Variants in FYB1 observed in about 807,000 individuals in gnomAD.
The protein encoded by FYB1 is FYN binding protein 1, also known as FYN-binding protein 1.
Under a neutral mutation model 94.1 loss-of-function variants are expected in FYB1, and 41 were observed. That is an observed-to-expected ratio of 0.44 (90% CI 0.34 to 0.57). The LOEUF (loss-of-function observed/expected upper bound fraction) is 0.57. Ranked by LOEUF, FYB1 falls within the 20% of genes least tolerant of loss-of-function variation. The probability of loss-of-function intolerance (pLI) is 0.02; values close to 1 mark genes in which losing one functional copy is unlikely to be tolerated. For synonymous variants in FYB1, 367 were observed against 353.2 expected, an observed-to-expected ratio of 1.04 and a Z score of -0.44; for missense variants, 1,050 against 976.8, an observed-to-expected ratio of 1.07 and a Z score of -1.00.
In FYB1 at chr5:39,202,163, A is replaced by G. The variant is rs532562126; in HGVS notation, c.798T>C (p.Pro266=). 2.5e-6 allele frequency: 4 copies of G among 1,613,982 alleles called. No homozygotes were observed. The highest frequency in any genetic ancestry group is 3.3e-5 in the Admixed American group (2 of 60,030). Residue 266 remains proline, a synonymous_variant, in exon 2 of 19, where the codon CCT becomes CCC. Coordinates refer to ENST00000512982, the MANE Select transcript of FYB1 (RefSeq NM_001465.6). ...GACCTGGGCCTCCCCTGCTCGCAGC[A>G]GGTTTCAAAACCACTCCAGGAAAGG... The part of the protein sequence containing the change: ...SLPFPGVVLK[P]AASRGGPGLS...
intron 1 of FYB1, among the ~76,000 whole-genome samples, chr5:39,224,810 T>G (rs1750404405): frequency 1.3e-5 from 2 of 152,218 alleles, no homozygotes; most frequent in South Asian, 4.1e-4. Context: ...TTCCTCTCCC[T>G]AAATCCTTCT....
At chr5:39,252,043 G>A (rs1350793877) in intron 1 of FYB1, among the ~76,000 whole-genome samples, 2 of 152,160 alleles carry the variant, frequency 1.3e-5, no homozygotes, top group Non-Finnish European at 2.9e-5. Context: ...TACTCAGGTG[G>A]CTGAGGCAGG....
chr5:39,200,155 A>G (rs1356981877), intron 2 of FYB1, among the ~76,000 whole-genome samples: 3 of 152,184 alleles, frequency 2.0e-5, no homozygotes, highest in Non-Finnish European at 4.4e-5. Flanking sequence ...GAGGGTTGCA[A>G]AGGAGAGGAG....
At chr5:39,272,040 G>C (rs1035230583) in intron 1 of FYB1, among the ~76,000 whole-genome samples, 10 of 151,738 alleles carry the variant, frequency 6.6e-5, no homozygotes, top group Admixed American at 2.6e-4. Flanking sequence ...TTAGGGTAAA[G>C]AGAATCACTC....
At chr5:39,135,811 G>A (rs1741629479) in intron 7 of FYB1, among the ~76,000 whole-genome samples, 1 of 152,054 alleles carries the variant, frequency 6.6e-6, no homozygotes, top group African/African-American at 2.4e-5. Flanking sequence ...ATGAGGCTCA[G>A]TTCTCATATT....
intron 13 of FYB1, among the ~76,000 whole-genome samples, 172 bp downstream of exon 13, chr5:39,124,081 A>G (rs1740389601): frequency 6.6e-6 from 1 of 152,082 alleles, no homozygotes; most frequent in Non-Finnish European, 1.5e-5. Context: ...TCATCTTGCT[A>G]TTTTATCATT....
At chr5:39,220,285 C>T (rs1033823872), upstream of FYB1, among the ~76,000 whole-genome samples, 2 of 151,732 alleles carry the variant, frequency 1.3e-5, no homozygotes, top group Non-Finnish European at 2.9e-5. Context: ...ATGGTGCATG[C>T]CTGTAGCCCC....
intron 2 of FYB1, among the ~76,000 whole-genome samples, chr5:39,173,369 C>T: frequency 6.6e-6 from 1 of 152,070 alleles, no homozygotes; most frequent in East Asian, 1.9e-4. Flanking sequence ...AGTTTCTGAA[C>T]ATTTTCTCCC....
chr5:39,202,809 G>A lies in FYB1; in HGVS notation c.152C>T (p.Pro51Leu), dbSNP rs1642515. ...GGACCCAAACTTAGGTACATTGCTG[G>A]GTCCTGCAGGAGGGCTGGCATTTCC... is the stretch of plus-strand genomic sequence containing the variant. The part of the protein sequence containing the change: ...NQGNASPPAG[P>L]SNVPKFGSPK... The change falls in exon 2 of 19, where the codon CCC becomes CTC. Residue 51 changes from proline to leucine, a missense_variant. Transcript: ENST00000512982. The A allele has an allele frequency of 6.6e-3, 10,692 of 1,613,894 alleles. 616 individuals are homozygous for A. In the African/African-American group the frequency reaches 0.13, roughly 19 times the overall value.
chr5:39,119,634 A>G lies in FYB1; in HGVS notation c.2139T>C (p.Ser713=). The change falls in exon 15 of 19, where the codon AGT becomes AGC. Residue 713 remains serine, a splice_region_variant and synonymous_variant. Coordinates refer to ENST00000512982, the MANE Select transcript of FYB1 (RefSeq NM_001465.6). ...SDFPVSSAEM[S]QGTNVGKAKT... ...TAGCTTTTCCAACATTAGTTCCTTG[A>G]CTAGAACGGCAGAACACACATAAAA... The G allele has an allele frequency of 2.6e-6, 4 of 1,528,562 alleles. No homozygotes were observed. Among genetic ancestry groups the G allele is most frequent in the Non-Finnish European group, 3.5e-6 (4 of 1,138,278 alleles). The allele number at this position is 1,528,562 out of a possible 1,614,324, so 94.7% of individuals were successfully genotyped here. A position where few individuals can be genotyped will look rare whatever the true frequency, so the allele number is the denominator to read the frequency against.
At chr5:39,169,740 T>C (rs778472345) in intron 2 of FYB1, 1 of 478,458 alleles carries the variant, frequency 2.1e-6, no homozygotes. Context: ...TGATTTGCCA[T>C]CTTCATTAGG....
chr5:39,238,159 T>C (rs1376690464), intron 1 of FYB1, among the ~76,000 whole-genome samples: 2 of 152,098 alleles, frequency 1.3e-5, no homozygotes, highest in Non-Finnish European at 2.9e-5. Context: ...AATTTTGTTA[T>C]GTGTATTTTA....
chr5:39,137,764 TGA>T, intron 6 of FYB1, 44 bp from the exon 7 acceptor site: 1 of 1,548,748 alleles, frequency 6.5e-7, no homozygotes, highest in Non-Finnish European at 8.7e-7. Flanking sequence ...CTGCAGGTGT[TGA>T]TGCGTCGGAA....
chr5:39,263,244 A>G (rs1331020192), intron 1 of FYB1, among the ~76,000 whole-genome samples: 1 of 152,216 alleles, frequency 6.6e-6, no homozygotes, highest in Non-Finnish European at 1.5e-5. Flanking sequence ...AATTTAGTGT[A>G]TTCTAACACA....
At chr5:39,243,260 T>A (rs1751303033) in intron 1 of FYB1, among the ~76,000 whole-genome samples, 1 of 152,080 alleles carries the variant, frequency 6.6e-6, no homozygotes, top group South Asian at 2.1e-4. Context: ...CTTCTAGGGT[T>A]TTTATGGTTT....
intron 1 of FYB1, among the ~76,000 whole-genome samples, chr5:39,263,370 A>G (rs1752303693): frequency 6.6e-6 from 1 of 151,988 alleles, no homozygotes; most frequent in Non-Finnish European, 1.5e-5. Context: ...TTGTCATAGT[A>G]CAGGATTTTT....
At chr5:39,170,418 C>T in intron 2 of FYB1, 1 of 479,838 alleles carries the variant, frequency 2.1e-6, no homozygotes, top group Non-Finnish European at 3.7e-6. Flanking sequence ...GGGCCGGACC[C>T]CCTCAGCAGC....
intron 1 of FYB1, among the ~76,000 whole-genome samples, chr5:39,229,021 C>T (rs1483930953): frequency 1.3e-5 from 2 of 152,142 alleles, no homozygotes; most frequent in African/African-American, 4.8e-5. Context: ...CTTACAGTGG[C>T]AGAAGATCTC....
chr5:39,128,745 C>T lies in FYB1; in HGVS notation c.1841-938G>A, dbSNP rs80098910. Reference sequence around the variant, plus strand: ...ACTCTCAAGCTAGTGTTCTTTCCATCGTATTAAGATCTCTCTCATTATTTG... The same window carrying T: ...ACTCTCAAGCTAGTGTTCTTTCCATTGTATTAAGATCTCTCTCATTATTTG... On this transcript the variant is annotated intron_variant, in intron 10 of 18. Coordinates refer to ENST00000512982, the MANE Select transcript of FYB1 (RefSeq NM_001465.6). Among the ~76,000 whole-genome samples the T allele has an allele frequency of 2.0e-5, 3 of 152,120 alleles. No individual in the cohort carries two copies. In the South Asian group the frequency reaches 6.2e-4, roughly 32 times the overall value.
Sources: allele counts gnomAD v4.1 joint callset (sites outside exome capture counted in the v4.1 genomes callset), GRCh38; gene constraint gnomAD v4.1.1; transcripts MANE v1.5; gene names NCBI Gene and HGNC (gene_info 2026-07-23, HGNC 2026-07-21).